Variants in GRID1 observed in about 807,000 individuals in gnomAD.
The protein encoded by GRID1 is glutamate receptor ionotropic, delta-1.
In GRID1, 28 loss-of-function variants were observed where a neutral mutation model predicts 98.0. That is an observed-to-expected ratio of 0.29 (90% CI 0.21 to 0.39). GRID1 has a LOEUF of 0.39. GRID1 is among the 10% of genes least tolerant of loss of function. The pLI is 1.00. For synonymous variants in GRID1, 553 were observed against 538.5 expected (o/e 1.03, Z -0.37); for missense variants, 1,111 against 1,340.5 (o/e 0.83, Z 2.67).
chr10:85,858,210 AG>A (rs1166954471), intron 6 of GRID1, among the ~76,000 whole-genome samples: 1 of 152,160 alleles, frequency 6.6e-6, no homozygotes, highest in Non-Finnish European at 1.5e-5. Flanking sequence ...TGCATTCTGT[AG>A]GTGTAACAGG....
In GRID1 at chr10:86,361,091, G is replaced by A. The variant is rs780847954; in HGVS notation, c.235+2850C>T. 1.1e-4 allele frequency among the ~76,000 whole-genome samples: 16 copies of A among 152,204 alleles called. 1 individual carries two copies. The highest frequency in any genetic ancestry group is 6.2e-4 in the South Asian group (3 of 4,828). Reference sequence around the variant, plus strand: ...GCAATGGATGTCCAGGCCCAGCAGTGAGATATAAGGCATTCATCAAGCAGG... The same window carrying A: ...GCAATGGATGTCCAGGCCCAGCAGTAAGATATAAGGCATTCATCAAGCAGG... On this transcript the variant is annotated intron_variant, in intron 2 of 15. Transcript: ENST00000327946.
chr10:85,902,939 G>C (rs959296683), intron 5 of GRID1, among the ~76,000 whole-genome samples: 1 of 152,086 alleles, frequency 6.6e-6, no homozygotes, highest in Non-Finnish European at 1.5e-5. Context: ...GGCTGCTCCT[G>C]GTCAGCATCC....
At chr10:86,113,635 C>A (rs957947766) in intron 4 of GRID1, among the ~76,000 whole-genome samples, 5 of 152,180 alleles carry the variant, frequency 3.3e-5, no homozygotes, top group African/African-American at 1.2e-4. Context: ...GGTGGCCTCG[C>A]CTGGTTTACC....
intron 3 of GRID1, among the ~76,000 whole-genome samples, chr10:86,182,448 A>T (rs998327277): frequency 1.3e-5 from 2 of 152,232 alleles, no homozygotes; most frequent in South Asian, 2.1e-4. Context: ...TGTCTCGGGC[A>T]TGCTAATTAC....
rs911037636 is a variant in GRID1, at chr10:85,689,569, A to T, written c.1997+33434T>A. On this transcript the variant is annotated intron_variant, in intron 12 of 15. Transcript: ENST00000327946. ...ACAACTATAGTAAATATTATTAAAC[A>T]AAGCTATAATTGGAAAAAAATCCTC... Among the ~76,000 whole-genome samples the T allele has an allele frequency of 7.2e-5, 11 of 152,290 alleles. 1 individual carries two copies. Among genetic ancestry groups the T allele is most frequent in the African/African-American group, 2.6e-4 (11 of 41,584 alleles).
chr10:85,752,430 A>T (rs1842056837), intron 8 of GRID1, among the ~76,000 whole-genome samples: 1 of 152,202 alleles, frequency 6.6e-6, no homozygotes, highest in African/African-American at 2.4e-5. Flanking sequence ...TTTACAAATG[A>T]TATACATATA....
At position 85,632,580 on chromosome 10, in the gene GRID1, T is replaced by C. The variant is rs1442268505; in HGVS notation, c.2194-12547A>G. Among the ~76,000 whole-genome samples the C allele has an allele frequency of 5.3e-5, 8 of 152,148 alleles. No individual in the cohort carries two copies. In the East Asian group the frequency reaches 1.5e-3, roughly 29 times the overall value. On this transcript the variant is annotated intron_variant, in intron 13 of 15. Transcript: ENST00000327946. ...ACATATACTTTTTAAGGTTTTTTTG[T>C]TGTTTTGAGATGGAGTCTTGCTCTG... is the stretch of plus-strand genomic sequence containing the variant.
Position 86,366,398 on chromosome 10 carries a change from C to T in GRID1, c.-6G>A. On this transcript the variant is annotated 5_prime_UTR_variant, in exon 1 of 16. Transcript: ENST00000327946. The surrounding 1 kb of genome is among the most constrained non-coding windows in gnomAD (Gnocchi z 4.1). ...CACAGCGTCAGCGCTTCCATGTCCC[C>T]CGGGCGCGCGGCTCATCCACCCGGG... 1 of 1,492,942 alleles carries T rather than the reference C, an allele frequency of 6.7e-7. No individual in the cohort carries two copies. The allele number at this position is 1,492,942 out of a possible 1,614,324, so 92.5% of individuals were successfully genotyped here. A position where few individuals can be genotyped will look rare whatever the true frequency, so the allele number is the denominator to read the frequency against.
intron 4 of GRID1, among the ~76,000 whole-genome samples, chr10:86,105,553 G>A (rs1428890625): frequency 6.6e-6 from 1 of 152,298 alleles, no homozygotes; most frequent in South Asian, 2.1e-4. Context: ...TGGGGAACAC[G>A]CTCTTCAATG....
intron 4 of GRID1, among the ~76,000 whole-genome samples, chr10:85,964,849 C>A (rs930367974): frequency 6.6e-6 from 1 of 152,112 alleles, no homozygotes; most frequent in African/African-American, 2.4e-5. Context: ...TCAGAGTGAA[C>A]ATGTAACCTA....
At chr10:86,099,491 G>T (rs894228998) in intron 4 of GRID1, among the ~76,000 whole-genome samples, 1 of 151,514 alleles carries the variant, frequency 6.6e-6, no homozygotes, top group Non-Finnish European at 1.5e-5. Flanking sequence ...CACGACCCAG[G>T]CCCCTTGTCC....
rs556204737 is a variant in GRID1, at chr10:85,916,303, T to C, written c.727-64A>G. 3 of 1,153,808 alleles carry C rather than the reference T, an allele frequency of 2.6e-6. No individual in the cohort carries two copies. Among genetic ancestry groups the C allele is most frequent in the South Asian group, 2.5e-5 (2 of 81,296 alleles). The allele number at this position is 1,153,808 out of a possible 1,614,324, so 71.5% of individuals were successfully genotyped here. On this transcript the variant is annotated intron_variant, in intron 4 of 15. Coordinates refer to ENST00000327946, the MANE Select transcript of GRID1 (RefSeq NM_017551.3). The surrounding 1 kb of genome is among the most constrained non-coding windows in gnomAD (Gnocchi z 4.0). ...ACAGAAGCTGGCAGACACAGGATGA[T>C]TGCCGAGACAGAGTTTTATAAACAT...
At chr10:86,106,076 T>C (rs1408038379) in intron 4 of GRID1, among the ~76,000 whole-genome samples, 1 of 152,172 alleles carries the variant, frequency 6.6e-6, no homozygotes, top group Non-Finnish European at 1.5e-5. Flanking sequence ...GACCATGAGC[T>C]CCAGGGTCTG....
chr10:86,243,061 G>A (rs1448399242), intron 2 of GRID1, among the ~76,000 whole-genome samples: 2 of 152,076 alleles, frequency 1.3e-5, no homozygotes, highest in African/African-American at 4.8e-5. Flanking sequence ...CCCAGGATGG[G>A]TGTGAAGATG....
At chr10:86,338,490 C>A (rs1564742886) in intron 2 of GRID1, among the ~76,000 whole-genome samples, 1 of 152,184 alleles carries the variant, frequency 6.6e-6, no homozygotes, top group African/African-American at 2.4e-5. Flanking sequence ...TTGTCCTGTA[C>A]AACCGAAGAA....
rs138589806 is a variant in GRID1, at chr10:86,135,202, C to T, written c.726+3617G>A. ...AACATCATAGGTAGTTGTCACTGTG[C>T]ACTGAAGTCCCACTTAGCAACCTGT... On this transcript the variant is annotated intron_variant, in intron 4 of 15. Transcript: ENST00000327946. Among the ~76,000 whole-genome samples, 3 of 152,346 alleles carry T rather than the reference C, an allele frequency of 2.0e-5. No homozygotes were observed. The East Asian group carries it at 5.8e-4, about 29-fold the overall frequency.
chr10:85,779,146 G>A (rs1842359742), intron 8 of GRID1, among the ~76,000 whole-genome samples: 1 of 152,178 alleles, frequency 6.6e-6, no homozygotes, highest in Non-Finnish European at 1.5e-5. Context: ...GGGTGAAAAA[G>A]CTCTGCTGCC....
intron 8 of GRID1, among the ~76,000 whole-genome samples, chr10:85,757,116 CTT>C (rs776061913): frequency 2.6e-5 from 4 of 152,164 alleles, no homozygotes; most frequent in African/African-American, 9.7e-5. Context: ...AGGGGGCAAA[CTT>C]GGGGCGGCAG....
intron 2 of GRID1, among the ~76,000 whole-genome samples, chr10:86,360,631 A>G (rs1254119140): frequency 3.3e-5 from 5 of 152,230 alleles, no homozygotes; most frequent in Non-Finnish European, 5.9e-5. Flanking sequence ...GCTGAGATGG[A>G]TTCACAGTTG....
Sources: allele counts gnomAD v4.1 joint callset (sites outside exome capture counted in the v4.1 genomes callset), GRCh38; gene constraint gnomAD v4.1.1; non-coding constraint Gnocchi (gnomAD v3.1); transcripts MANE v1.5; gene names NCBI Gene and HGNC (gene_info 2026-07-23, HGNC 2026-07-21).